Variants in LCORL observed in about 807,000 individuals in gnomAD.
The protein encoded by LCORL is ligand dependent nuclear receptor corepressor like, also known as ligand-dependent nuclear receptor corepressor-like protein.
Under a neutral mutation model 141.8 loss-of-function variants are expected in LCORL, and 41 were observed. That is an observed-to-expected ratio of 0.29 (90% CI 0.23 to 0.38). The LOEUF (loss-of-function observed/expected upper bound fraction) is 0.38, where lower values mean the gene tolerates loss of function less well. Among genes scored for constraint, LCORL ranks in the 10% least tolerant of loss-of-function variants. The pLI, the probability that LCORL is intolerant of heterozygous loss-of-function variation, is 1.00. For synonymous variants in LCORL, 618 were observed against 694.1 expected (o/e 0.89, Z 1.72); for missense variants, 1,759 against 2,035.0 (o/e 0.86, Z 2.61).
chr4:18,004,309 A>G (rs1365689627), intron 1 of LCORL, among the ~76,000 whole-genome samples: 1 of 152,230 alleles, frequency 6.6e-6, no homozygotes, highest in Non-Finnish European at 1.5e-5. Flanking sequence ...GACATATCCA[A>G]GACTGGGCAA....
chr4:17,852,915 T>TTATG (rs1336859126), intron 7 of LCORL, among the ~76,000 whole-genome samples: 2 of 152,194 alleles, frequency 1.3e-5, no homozygotes, highest in African/African-American at 2.4e-5. Context: ...TGTTCATTTC[T>TTATG]GTCATAGGGA....
intron 1 of LCORL, among the ~76,000 whole-genome samples, chr4:18,016,810 T>A (rs1321607957): frequency 2.0e-5 from 3 of 152,162 alleles, no homozygotes; most frequent in Non-Finnish European, 4.4e-5. Flanking sequence ...GTAGGAAAGA[T>A]ACTGAAGTTT....
intron 3 of LCORL, 133 bp downstream of exon 3, chr4:17,962,837 T>C (rs1398843568): frequency 4.6e-6 from 2 of 432,578 alleles, no homozygotes; most frequent in African/African-American, 2.1e-5. Flanking sequence ...TAAAATATTA[T>C]TTTCGTTTAC....
chr4:17,975,052 G>T (rs1184092464), intron 1 of LCORL, among the ~76,000 whole-genome samples: 1 of 151,352 alleles, frequency 6.6e-6, no homozygotes, highest in East Asian at 1.9e-4. Context: ...TTTCTTTCTT[G>T]ATCACTCATT....
chr4:17,989,323 C>T (rs1054104432), intron 1 of LCORL, among the ~76,000 whole-genome samples: 4 of 152,164 alleles, frequency 2.6e-5, no homozygotes, highest in Non-Finnish European at 5.9e-5. Flanking sequence ...TTGTAGATAT[C>T]ATATCTTTAT....
chr4:17,990,167 C>T (rs1419792023), intron 1 of LCORL, among the ~76,000 whole-genome samples: 4 of 145,750 alleles, frequency 2.7e-5, no homozygotes, highest in East Asian at 2.0e-4. Flanking sequence ...GGCACGATCT[C>T]GGCTCACTGC....
At chr4:17,899,495 C>T (rs74404440) in intron 5 of LCORL, among the ~76,000 whole-genome samples, 3,665 of 152,132 alleles carry the variant, frequency 0.024, 39 homozygotes, top group South Asian at 0.031. Context: ...GAGAAGGAAA[C>T]GGAACAAGTC....
chr4:17,973,234 TTA>T (rs1367977652), intron 1 of LCORL, among the ~76,000 whole-genome samples: 1 of 151,854 alleles, frequency 6.6e-6, no homozygotes, highest in Non-Finnish European at 1.5e-5. Context: ...ACATAATTGT[TTA>T]TGTTTGTTTT....
At chr4:17,926,399 G>A (rs1472541347) in intron 4 of LCORL, among the ~76,000 whole-genome samples, 1 of 152,170 alleles carries the variant, frequency 6.6e-6, no homozygotes, top group African/African-American at 2.4e-5. Context: ...AAGTCTTCTC[G>A]CCTTCCTCTT....
intron 2 of LCORL, among the ~76,000 whole-genome samples, chr4:17,969,587 G>A (rs909340667): frequency 2.6e-5 from 4 of 151,920 alleles, no homozygotes; most frequent in Non-Finnish European, 4.4e-5. Context: ...TATATAATAC[G>A]CATTTAATTT....
At chr4:17,891,545 A>T (rs1367613328) in intron 5 of LCORL, among the ~76,000 whole-genome samples, 4 of 152,190 alleles carry the variant, frequency 2.6e-5, no homozygotes, top group African/African-American at 7.2e-5. Context: ...TGGTCCCTTC[A>T]CTTGTTTGAG....
intron 5 of LCORL, among the ~76,000 whole-genome samples, chr4:17,889,047 G>C (rs560637423): frequency 6.6e-6 from 1 of 152,064 alleles, no homozygotes; most frequent in Non-Finnish European, 1.5e-5. Flanking sequence ...ATTATGGAAG[G>C]AGGTACAGGA....
At chr4:18,020,919 G>T (rs889993504) in intron 1 of LCORL, among the ~76,000 whole-genome samples, 1 of 152,198 alleles carries the variant, frequency 6.6e-6, no homozygotes, top group African/African-American at 2.4e-5. Flanking sequence ...AATCCCAACC[G>T]TCAGCGCTCA....
At chr4:17,851,575 C>G (rs920723079) in intron 7 of LCORL, among the ~76,000 whole-genome samples, 1 of 152,142 alleles carries the variant, frequency 6.6e-6, no homozygotes, top group Non-Finnish European at 1.5e-5. Flanking sequence ...ATGGATAAAT[C>G]TTAATTGATT....
At chr4:17,901,588 C>T (rs1190750796) in intron 5 of LCORL, among the ~76,000 whole-genome samples, 1 of 152,028 alleles carries the variant, frequency 6.6e-6, no homozygotes, top group African/African-American at 2.4e-5. Context: ...AAGGGAAACA[C>T]AGCACACAAG....
At chr4:18,002,947 T>C (rs931079580) in intron 1 of LCORL, among the ~76,000 whole-genome samples, 3 of 152,184 alleles carry the variant, frequency 2.0e-5, no homozygotes, top group Admixed American at 6.5e-5. Flanking sequence ...TCAATCCCAC[T>C]GCTTAAAAAC....
rs140586980 is a variant in LCORL, at chr4:17,882,162, G to A, written c.776+3906C>T. On this transcript the variant is annotated intron_variant, in intron 6 of 7. Coordinates refer to ENST00000635767, the Ensembl canonical transcript of LCORL. ...GCTGAAAATCTCTTTAGTATTACAC[G>A]TATATATGATTATTAAATACACACA... 71 of 983,412 alleles carry A rather than the reference G, an allele frequency of 7.2e-5. No homozygotes were observed. In the African/African-American group the frequency reaches 9.3e-4, roughly 13 times the overall value. The allele number at this position is 983,412 out of a possible 1,614,324, so 60.9% of individuals were successfully genotyped here.
At chr4:17,852,905 T>C (rs1257327819) in intron 7 of LCORL, among the ~76,000 whole-genome samples, 2 of 152,180 alleles carry the variant, frequency 1.3e-5, no homozygotes, top group Non-Finnish European at 2.9e-5. Context: ...AGATATGCAA[T>C]GTTCATTTCT....
intron 2 of LCORL, among the ~76,000 whole-genome samples, chr4:17,971,437 T>G (rs1459796283): frequency 6.6e-6 from 1 of 151,822 alleles, no homozygotes; most frequent in Non-Finnish European, 1.5e-5. Context: ...AAATAGCCCC[T>G]TTTTAAATAC....
Sources: allele counts gnomAD v4.1 joint callset (sites outside exome capture counted in the v4.1 genomes callset), GRCh38; gene constraint gnomAD v4.1.1; transcripts MANE v1.5; gene names NCBI Gene and HGNC (gene_info 2026-07-23, HGNC 2026-07-21).